FGFR4: variants seen among roughly 807,000 people sequenced by gnomAD.
FGFR4 encodes fibroblast growth factor receptor 4.
Under a neutral mutation model 89.9 loss-of-function variants are expected in FGFR4, and 63 were observed. The observed-to-expected ratio is 0.70, with a 90% CI of 0.57 to 0.86. The LOEUF is 0.86. FGFR4 is among the 40% of genes least tolerant of loss of function. The probability of loss-of-function intolerance (pLI) is 0.00; values close to 1 mark genes in which losing one functional copy is unlikely to be tolerated. For synonymous variants in FGFR4, 486 were observed against 479.4 expected, an observed-to-expected ratio of 1.01 and a Z score of -0.18; for missense variants, 928 against 1,106.7, an observed-to-expected ratio of 0.84 and a Z score of 2.29.
At position 177,090,562 on chromosome 5, in the gene FGFR4, T is replaced by G; in HGVS notation, c.264T>G (p.Ile88Met). 1.3e-6 allele frequency: 2 copies of G among 1,526,048 alleles called. No homozygotes were observed. The highest frequency in any genetic ancestry group is 4.5e-5 in the East Asian group (2 of 44,178). 94.5% of individuals were successfully genotyped at this position (1,526,048 alleles called of 1,614,324 possible). ...GGGGCTGGAGGGGCCGCCTAGAGAT[T>G]GCCAGCTTCCTACCTGAGGATGCTG... ...RVRGWRGRLE[I>M]ASFLPEDAGR... The change falls in exon 3 of 18, where the codon ATT (isoleucine) becomes ATG (methionine). Residue 88 changes from isoleucine (I) to methionine (M), a missense_variant. Around this residue, in one of 5 missense-constraint regions of FGFR4, gnomAD observed 741 missense variants for 836.9 expected, o/e 0.89. Coordinates refer to ENST00000292408, the MANE Select transcript of FGFR4 (RefSeq NM_213647.3).
intron 2 of FGFR4, 113 bp downstream of exon 2, chr5:177,089,806 G>A: frequency 7.2e-7 from 1 of 1,384,366 alleles, no homozygotes; most frequent in Non-Finnish European, 1.0e-6. Flanking sequence ...CTGAGAAGGT[G>A]GCGGCAGGGC....
At position 177,095,841 on chromosome 5, in the gene FGFR4, C is replaced by T; in HGVS notation, c.1821+118C>T. 1.6e-6 allele frequency: 2 copies of T among 1,267,652 alleles called. No homozygotes were observed. The highest frequency in any genetic ancestry group is 2.1e-6 in the Non-Finnish European group (2 of 935,090). The allele number at this position is 1,267,652 out of a possible 1,614,324, so 78.5% of individuals were successfully genotyped here. A position where few individuals can be genotyped will look rare whatever the true frequency, so the allele number is the denominator to read the frequency against. On this transcript the variant is annotated intron_variant, in intron 13 of 17. Coordinates refer to ENST00000292408, the MANE Select transcript of FGFR4 (RefSeq NM_213647.3). This position sits in a 1 kb window ranked among gnomAD's most constrained non-coding sequence, Gnocchi z 5.7. ...CTTTTTCATGACCCCACCTCAGTGT[C>T]CCCAGGCATTCACGCTTTCCTGCAT...
Position 177,096,716 on chromosome 5 carries a change from C to T in FGFR4, c.2128C>T (p.Arg710Ter), listed in dbSNP as rs1196666686. ...GCTGCGGGAGGGACATCGGATGGACCGACCCCCACACTGCCCCCCAGAGCT... is the reference window on the plus strand; with the variant it reads ...GCTGCGGGAGGGACATCGGATGGACTGACCCCCACACTGCCCCCCAGAGCT... ...SLLREGHRMD[R>*]PPHCPPELYG... Residue 710 changes from arginine (R) to a stop codon, truncating the protein, a stop_gained, in exon 16 of 18, where the codon CGA becomes TGA. Coordinates refer to ENST00000292408, the MANE Select transcript of FGFR4 (RefSeq NM_213647.3). LOFTEE classifies it high-confidence loss of function. 3.1e-6 allele frequency: 5 copies of T among 1,591,328 alleles called. No homozygotes were observed. Among genetic ancestry groups the T allele is most frequent in the East Asian group, 2.2e-5 (1 of 44,706 alleles).
rs766563138 is a variant in FGFR4 at position 177,093,204 on chromosome 5, C to G, written c.1124C>G (p.Ser375Trp). The change falls in exon 9 of 18, where the codon TCG (serine) becomes TGG (tryptophan). Residue 375 changes from serine to tryptophan, a missense_variant. Coordinates refer to ENST00000292408, the MANE Select transcript of FGFR4 (RefSeq NM_213647.3). This position sits in a 1 kb window ranked among gnomAD's most constrained non-coding sequence, Gnocchi z 5.8. ...TATACGGACATCATCCTGTACGCGT[C>G]GGGCTCCCTGGCCTTGGCTGTGCTC... ...ARYTDIILYA[S>W]GSLALAVLLL... The G allele has an allele frequency of 6.2e-7, 1 of 1,612,972 alleles. No individual in the cohort carries two copies. The highest frequency in any genetic ancestry group is 8.5e-7 in the Non-Finnish European group (1 of 1,179,122).
intron 1 of FGFR4, 121 bp from the exon 2 acceptor site, chr5:177,089,429 G>A: frequency 8.6e-7 from 1 of 1,159,886 alleles, no homozygotes; most frequent in Non-Finnish European, 1.2e-6. Context: ...CCACAGCCTG[G>A]CCAGGGACTT....
chr5:177,090,252 T>C (rs1333222225), intron 2 of FGFR4, 138 bp from the exon 3 acceptor site: 2 of 1,222,758 alleles, frequency 1.6e-6, no homozygotes, highest in African/African-American at 1.5e-5. Context: ...TGTGGCTGTG[T>C]GGGTGTCAAG....
At position 177,090,513 on chromosome 5, in the gene FGFR4, G is replaced by T. The variant is rs373397427; in HGVS notation, c.215G>T (p.Arg72Leu). 98 of 1,564,362 alleles carry T rather than the reference G, an allele frequency of 6.3e-5. No homozygotes were observed. Among genetic ancestry groups the T allele is most frequent in the African/African-American group, 2.3e-4 (17 of 73,790 alleles). ...RGGHWYKEGS[R>L]LAPAGRVRGW... is the part of the protein sequence containing the mutation. Reference sequence around the variant, plus strand: ...GGCCACTGGTACAAGGAGGGCAGTCGCCTGGCACCTGCTGGCCGTGTACGG... The same window carrying T: ...GGCCACTGGTACAAGGAGGGCAGTCTCCTGGCACCTGCTGGCCGTGTACGG... Residue 72 changes from arginine (R) to leucine (L), a missense_variant, in exon 3 of 18, where the codon CGC becomes CTC. By Grantham distance (102) the Arg-to-Leu change is moderately radical. Around this residue, in one of 5 missense-constraint regions of FGFR4, gnomAD observed 741 missense variants for 836.9 expected, o/e 0.89. Coordinates refer to ENST00000292408, the MANE Select transcript of FGFR4 (RefSeq NM_213647.3).
chr5:177,093,112 C>CTGTGTG lies in FGFR4; in HGVS notation c.1058-22_1058-17dup. The CTGTGTG allele has an allele frequency of 6.2e-7, 1 of 1,613,908 alleles. No homozygotes were observed. Among genetic ancestry groups the CTGTGTG allele is most frequent in the East Asian group, 2.2e-5 (1 of 44,886 alleles). ...TCTCACCACTGACCAGTTTGTCTGT[C>CTGTGTG]TGTGTGTGTCCATGTGCGAGGGCAG... is the stretch of plus-strand genomic sequence containing the variant. On this transcript the variant is annotated intron_variant, in intron 8 of 17. Transcript: ENST00000292408. The surrounding 1 kb of genome is among the most constrained non-coding windows in gnomAD (Gnocchi z 5.8).
chr5:177,097,181 A>C, intron 16 of FGFR4, 111 bp from the exon 17 acceptor site: 2 of 743,842 alleles, frequency 2.7e-6, no homozygotes, highest in African/African-American at 1.9e-5. Flanking sequence ...TGACCCTCCT[A>C]TCCCTCATCA....
Position 177,095,603 on chromosome 5 carries a change from C to G in FGFR4, c.1701C>G (p.Pro567=), listed in dbSNP as rs1784524462. Residue 567 remains proline, a synonymous_variant, in exon 13 of 18, where the codon CCC becomes CCG. Coordinates refer to ENST00000292408, the MANE Select transcript of FGFR4 (RefSeq NM_213647.3). The surrounding 1 kb of genome is among the most constrained non-coding windows in gnomAD (Gnocchi z 5.7). ...GGGAGTTCCTGCGGGCCCGGCGCCC[C>G]CCAGGCCCCGACCTCAGCCCCGACG... The part of the protein sequence containing the change: ...NLREFLRARR[P]PGPDLSPDGP... 2 of 1,605,792 alleles carry G rather than the reference C, an allele frequency of 1.2e-6. No homozygotes were observed. The highest frequency in any genetic ancestry group is 2.7e-5 in the African/African-American group (2 of 74,762).
At position 177,087,561 on chromosome 5, in the gene FGFR4, C is replaced by CGTGGGGG; in HGVS notation, c.-54+489_-54+495dup. The CGTGGGGG allele has an allele frequency of 1.0e-6, 1 of 985,326 alleles. No individual in the cohort carries two copies. Among genetic ancestry groups the CGTGGGGG allele is most frequent in the South Asian group, 4.7e-5 (1 of 21,288 alleles). 61.0% of individuals were successfully genotyped at this position (985,326 alleles called of 1,614,324 possible). ...GCCTAAGGCAGGCCCTCCATTCCCACGTGGGGGGTGGTCGGTCAGCGGTCA... is the reference window on the plus strand; with the variant it reads ...GCCTAAGGCAGGCCCTCCATTCCCACGTGGGGGGTGGGGGGTGGTCGGTCAGCGGTCA... On this transcript the variant is annotated intron_variant, in intron 1 of 17. Transcript: ENST00000292408. The surrounding 1 kb of genome is among the most constrained non-coding windows in gnomAD (Gnocchi z 6.1).
Position 177,090,778 on chromosome 5 carries a change from C to T in FGFR4, c.389C>T (p.Pro130Leu), listed in dbSNP as rs1468561476. The T allele has an allele frequency of 6.2e-7, 1 of 1,613,052 alleles. No individual in the cohort carries two copies. Among genetic ancestry groups the T allele is most frequent in the African/African-American group, 1.3e-5 (1 of 74,970 alleles). The change falls in exon 4 of 18, where the codon CCC becomes CTC. Residue 130 changes from proline to leucine, a missense_variant. Around this residue, in one of 5 missense-constraint regions of FGFR4, gnomAD observed 741 missense variants for 836.9 expected, o/e 0.89. Transcript: ENST00000292408. ...ACCTCCAGCAACGATGATGAGGACC[C>T]CAAGTCCCATAGGGACCCCTCGAAT... ...SLTSSNDDED[P>L]KSHRDPSNRH...
intron 8 of FGFR4, 165 bp downstream of exon 8, chr5:177,092,949 T>C (rs762130185): frequency 7.6e-7 from 1 of 1,312,378 alleles, no homozygotes; most frequent in South Asian, 1.2e-5. Flanking sequence ...TCTGTGCCTC[T>C]CCACACGTGG....
intron 7 of FGFR4, 30 bp downstream of exon 7, chr5:177,092,541 C>T (rs1433314263): frequency 1.3e-6 from 2 of 1,562,120 alleles, no homozygotes; most frequent in Admixed American, 1.8e-5. Context: ...GCAGCCTGGG[C>T]CCCATTCTTC....
At chr5:177,094,263 A>C (rs555881723) in intron 11 of FGFR4, among the ~76,000 whole-genome samples, 1 of 152,092 alleles carries the variant, frequency 6.6e-6, no homozygotes, top group African/African-American at 2.4e-5. Flanking sequence ...TCTGAGCCTC[A>C]GTTTTCCCTT....
At position 177,096,044 on chromosome 5, in the gene FGFR4, C is replaced by T. The variant is rs760185488; in HGVS notation, c.1822-13C>T. 6.2e-7 allele frequency: 1 copy of T among 1,611,598 alleles called. No homozygotes were observed. Among genetic ancestry groups the T allele is most frequent in the South Asian group, 1.1e-5 (1 of 90,770 alleles). On this transcript the variant is annotated splice_polypyrimidine_tract_variant and intron_variant, in intron 13 of 17. Transcript: ENST00000292408. ...CAGGTGTCCTGAGGCACCCAAGCCC[C>T]CGCTCCCTGCAGTGTATCCACCGGG... is the stretch of plus-strand genomic sequence containing the variant.
chr5:177,094,818 A>G, intron 11 of FGFR4: 1 of 174,654 alleles, frequency 5.7e-6, no homozygotes. Flanking sequence ...GCTCAGCCAG[A>G]GAAGCCAAAG....
chr5:177,097,550 C>G lies in FGFR4; in HGVS notation c.2283C>G (p.Phe761Leu). 1 of 1,613,964 alleles carries G rather than the reference C, an allele frequency of 6.2e-7. No homozygotes were observed. ...AGTACCTCGACCTCCGCCTGACCTTCGGACCCTATTCCCCCTCTGGTGGGG... is the reference window on the plus strand; with the variant it reads ...AGTACCTCGACCTCCGCCTGACCTTGGGACCCTATTCCCCCTCTGGTGGGG... ...SEEYLDLRLT[F>L]GPYSPSGGDA... is the part of the protein sequence containing the mutation. Residue 761 changes from phenylalanine (F) to leucine (L), a missense_variant, in exon 18 of 18, where the codon TTC becomes TTG. Phe to Leu is a conservative substitution (Grantham distance 22). Transcript: ENST00000292408.
At position 177,095,074 on chromosome 5, in the gene FGFR4, C is replaced by T; in HGVS notation, c.1520-256C>T. 1 of 482,322 alleles carries T rather than the reference C, an allele frequency of 2.1e-6. No individual in the cohort carries two copies. The highest frequency in any genetic ancestry group is 3.8e-6 in the Non-Finnish European group (1 of 261,868). 29.9% of individuals were successfully genotyped at this position (482,322 alleles called of 1,614,324 possible). ...CTGGGCCTGCCCGCTGGAAGGCCTG[C>T]CTCTTAGATCCTTGATACAGTTGCA... On this transcript the variant is annotated intron_variant, in intron 11 of 17. Coordinates refer to ENST00000292408, the MANE Select transcript of FGFR4 (RefSeq NM_213647.3). The surrounding 1 kb of genome is among the most constrained non-coding windows in gnomAD (Gnocchi z 5.7).
Sources: allele counts gnomAD v4.1 joint callset (sites outside exome capture counted in the v4.1 genomes callset), GRCh38; gene constraint gnomAD v4.1.1; regional missense constraint gnomAD v4.1.1; non-coding constraint Gnocchi (gnomAD v3.1); transcripts MANE v1.5; gene names NCBI Gene and HGNC (gene_info 2026-07-23, HGNC 2026-07-21).